TTN: variants seen among roughly 807,000 people sequenced by gnomAD.
TTN encodes titin.
In TTN, 1,525 loss-of-function variants were observed where a neutral mutation model predicts 3,223.0. The ratio of observed to expected loss-of-function variants is 0.47; its 90% CI spans 0.45 to 0.49. The LOEUF (loss-of-function observed/expected upper bound fraction) is 0.49. Ranked by LOEUF, TTN falls within the 20% of genes least tolerant of loss-of-function variation. TTN has a pLI of 0.00. For synonymous variants in TTN, 14,094 were observed against 15,161.0 expected (o/e 0.93, Z 5.17); for missense variants, 40,786 against 43,424.0 (o/e 0.94, Z 5.40).
In TTN at chr2:178,636,689, C is replaced by T. The variant is rs1576748259; in HGVS notation, c.41038G>A (p.Ala13680Thr). The change falls in exon 225 of 363, where the codon GCT (alanine) becomes ACT (threonine). Residue 13680 changes from alanine (A) to threonine (T), a missense_variant. Physicochemically the swap from Ala to Thr is moderately conservative, Grantham distance 58 (BLOSUM62 0). Transcript: ENST00000589042. The surrounding 1 kb of genome is among the most constrained non-coding windows in gnomAD (Gnocchi z 4.3). ...TCTTTCACAAACTTCAGTGGCACAG[C>T]CTTTAGCTGGTAGGTGAACGGGGCT... ...DEAPFTYQLKAVPLKFVKEIK... is the reference protein window; with the variant it reads ...DEAPFTYQLKTVPLKFVKEIK... 1 of 1,613,288 alleles carries T rather than the reference C, an allele frequency of 6.2e-7. No homozygotes were observed. The highest frequency in any genetic ancestry group is 8.5e-7 in the Non-Finnish European group (1 of 1,179,500).
rs748626222 is a variant in TTN at position 178,750,527 on chromosome 2, C to T, written c.11311+2597G>A. ...ATGACACACAAAATTACAACTGTCA[C>T]CTTCATAAACTTCTTGAGATTCAAT... On this transcript the variant is annotated intron_variant, in intron 47 of 362. Transcript: ENST00000589042. 2.5e-6 allele frequency: 4 copies of T among 1,612,644 alleles called. No individual in the cohort carries two copies. The East Asian group carries it at 9.0e-5, about 36-fold the overall frequency.
chr2:178,770,820 AC>A, intron 34 of TTN, 145 bp from the exon 35 acceptor site: 5 of 1,070,186 alleles, frequency 4.7e-6, no homozygotes, highest in Non-Finnish European at 7.2e-6. Context: ...GTTTTAAAAA[AC>A]ACCTGAGATT....
intron 118 of TTN, 37 bp downstream of exon 118, chr2:178,693,885 T>A: frequency 6.3e-7 from 1 of 1,582,204 alleles, no homozygotes; most frequent in Non-Finnish European, 8.7e-7. Context: ...CCTAAAACCC[T>A]TCCATTTGAG....
intron 209 of TTN, among the ~76,000 whole-genome samples, chr2:178,650,502 C>T (rs1252403234): frequency 6.6e-6 from 1 of 152,034 alleles, no homozygotes; most frequent in Non-Finnish European, 1.5e-5. Context: ...CATTAGTTCT[C>T]CTGCCTTACT....
rs1163292825 is a variant in TTN at position 178,652,883 on chromosome 2, G to A, written c.38924C>T (p.Ala12975Val). ...EVVPEKKMPL[A>V]PPKKPEVPPV... ...AGGGACTTCAGGCTTTTTAGGAGGA[G>A]CCAAGGGCATTTTCTTTTCAGGAAC... The change falls in exon 200 of 363, where the codon GCT becomes GTT. Residue 12975 changes from alanine (A) to valine (V), a missense_variant. Transcript: ENST00000589042. The A allele has an allele frequency of 4.1e-5, 66 of 1,611,436 alleles. No homozygotes were observed. Among genetic ancestry groups the A allele is most frequent in the Non-Finnish European group, 5.2e-5 (61 of 1,179,110 alleles).
rs878963234 is a variant in TTN at position 178,601,554 on chromosome 2, G to A, written c.55443C>T (p.Gly18481=). ...CACTGACTTTCAGATCTTTGGGTGG[G>A]CCTGGTACATCTGTTGGATGTAAAT... The part of the protein sequence containing the change: ...NCRVKVMDVP[G]PPKDLKVSDI... Residue 18481 remains glycine, a synonymous_variant, in exon 287 of 363, where the codon GGC becomes GGT. Coordinates refer to ENST00000589042, the MANE Select transcript of TTN (RefSeq NM_001267550.2). 1.2e-6 allele frequency: 2 copies of A among 1,610,276 alleles called. No homozygotes were observed. Among genetic ancestry groups the A allele is most frequent in the Non-Finnish European group, 1.7e-6 (2 of 1,177,828 alleles).
chr2:178,705,195 T>C lies in TTN; in HGVS notation c.29583A>G (p.Gln9861=). ...ATACCAGTCTATGTGTCTCTTCTTC[T>C]TGGCTTTGCTTGAGCAGTTCAAATG... ...LQAFELLKQS[Q]EEETHRLEIE... The change falls in exon 103 of 363, where the codon CAA becomes CAG. Residue 9861 remains glutamine, a synonymous_variant. Transcript: ENST00000589042. 6.2e-7 allele frequency: 1 copy of C among 1,613,536 alleles called. No individual in the cohort carries two copies. The highest frequency in any genetic ancestry group is 8.5e-7 in the Non-Finnish European group (1 of 1,179,684).
Position 178,729,974 on chromosome 2 carries a change from G to T in TTN, c.18308-29C>A, listed in dbSNP as rs758463377. Reference sequence around the variant, plus strand: ...AAGATGGAAAAAGAATTGTGATGTTGAATATTTTTAAAAACAGGTCACTGG... The same window carrying T: ...AAGATGGAAAAAGAATTGTGATGTTTAATATTTTTAAAAACAGGTCACTGG... On this transcript the variant is annotated intron_variant, in intron 62 of 362. Coordinates refer to ENST00000589042, the MANE Select transcript of TTN (RefSeq NM_001267550.2). 17 of 1,601,286 alleles carry T rather than the reference G, an allele frequency of 1.1e-5. No individual in the cohort carries two copies. The African/African-American group carries it at 1.9e-4, about 18-fold the overall frequency.
chr2:178,704,310 T>G lies in TTN; in HGVS notation c.30060A>C (p.Glu10020Asp), dbSNP rs764487564. 6.2e-7 allele frequency: 1 copy of G among 1,614,048 alleles called. No homozygotes were observed. The highest frequency in any genetic ancestry group is 1.1e-5 in the South Asian group (1 of 91,086). The change falls in exon 106 of 363, where the codon GAA (glutamate) becomes GAC (aspartate). Residue 10020 changes from glutamate (E) to aspartate (D), a missense_variant. Coordinates refer to ENST00000589042, the MANE Select transcript of TTN (RefSeq NM_001267550.2). ...TAAGGATTCTGCCATTTCTGAACCA[T>G]TCAGATTTTACATTTGGTACAGAAA... is the stretch of plus-strand genomic sequence containing the variant. ...CQFSVPNVKSEWFRNGRILKP... is the reference protein window; with the variant it reads ...CQFSVPNVKSDWFRNGRILKP...
chr2:178,629,579 T>C, intron 239 of TTN, 136 bp from the exon 240 acceptor site: 1 of 1,303,012 alleles, frequency 7.7e-7, no homozygotes. Flanking sequence ...AACTCCCACG[T>C]GAACGTGGCC....
rs2092629913 is a variant in TTN at position 178,780,090 on chromosome 2, C to T, written c.3639G>A (p.Glu1213=). The part of the protein sequence containing the change: ...GETAPGFVYS[E]YEKEYEKEQA... ...GTTCTTTTTCATACTCTTTTTCATA[C>T]TCAGAGTATACAAATCCAGGTGCTG... is the stretch of plus-strand genomic sequence containing the variant. Residue 1213 remains glutamate (E), a synonymous_variant, in exon 22 of 363, where the codon GAG becomes GAA. Coordinates refer to ENST00000589042, the MANE Select transcript of TTN (RefSeq NM_001267550.2). The T allele has an allele frequency of 6.2e-7, 1 of 1,613,748 alleles. No individual in the cohort carries two copies. The highest frequency in any genetic ancestry group is 8.5e-7 in the Non-Finnish European group (1 of 1,179,812).
chr2:178,717,227 T>C lies in TTN; in HGVS notation c.25507A>G (p.Lys8503Glu), dbSNP rs1336555903. ...NREIRPGGNY[K>E]MTLVENTATL... is the part of the protein sequence containing the mutation. Reference sequence around the variant, plus strand: ...GCAGTATTTTCTACCAAAGTCATCTTGTAGTTGCCTCCAGGGCGAATCTCT... The same window carrying C: ...GCAGTATTTTCTACCAAAGTCATCTCGTAGTTGCCTCCAGGGCGAATCTCT... The change falls in exon 88 of 363, where the codon AAG (lysine) becomes GAG (glutamate). Residue 8503 changes from lysine to glutamate, a missense_variant. Transcript: ENST00000589042. 1 of 1,613,684 alleles carries C rather than the reference T, an allele frequency of 6.2e-7. No homozygotes were observed. Among genetic ancestry groups the C allele is most frequent in the Non-Finnish European group, 8.5e-7 (1 of 1,179,672 alleles).
chr2:178,683,158 C>G (rs2069898097), intron 134 of TTN, 53 bp downstream of exon 134: 1 of 1,280,070 alleles, frequency 7.8e-7, no homozygotes. Context: ...AACTAGAAGG[C>G]AAAGAGCCAG....
At chr2:178,651,115 C>A in intron 208 of TTN, 128 bp downstream of exon 208, 1 of 777,278 alleles carries the variant, frequency 1.3e-6, no homozygotes, top group South Asian at 2.0e-5. Context: ...TATTCAGACC[C>A]TAAAAATCCA....
Position 178,556,982 on chromosome 2 carries a change from G to C in TTN, c.88172C>G (p.Thr29391Ser), listed in dbSNP as rs771850921. Residue 29391 changes from threonine to serine, a missense_variant, in exon 330 of 363, where the codon ACT (threonine) becomes AGT (serine). Physicochemically the swap from Thr to Ser is moderately conservative, Grantham distance 58. Transcript: ENST00000589042. ...GCCAGAGATGATGAATTGAGTTTCA[G>C]TAACATTGGTGAAGCTGGCCTTGGT... ...RWTKASFTNVTETQFIISGLT... is the reference protein window; with the variant it reads ...RWTKASFTNVSETQFIISGLT... 1.2e-6 allele frequency: 2 copies of C among 1,613,826 alleles called. No individual in the cohort carries two copies. The highest frequency in any genetic ancestry group is 1.7e-6 in the Non-Finnish European group (2 of 1,179,830).
At chr2:178,780,819 C>T (rs1015811889) in intron 21 of TTN, among the ~76,000 whole-genome samples, 4 of 152,206 alleles carry the variant, frequency 2.6e-5, no homozygotes, top group Non-Finnish European at 5.9e-5. Context: ...TCATTGAGCT[C>T]ACTGTTACCT....
chr2:178,672,581 A>T (rs1411662379), intron 153 of TTN, 54 bp downstream of exon 153: 6 of 1,605,970 alleles, frequency 3.7e-6, no homozygotes, highest in Admixed American at 1.7e-5. Context: ...GAAACATAAA[A>T]GTCTTAACGA....
Position 178,591,818 on chromosome 2 carries a change from G to T in TTN, c.60001C>A (p.Pro20001Thr). Reference sequence around the variant, plus strand: ...ATTGGAGAACCACCATCACGATCCGGCTTATTCCAGACTAGGGAGACTTCA... The same window carrying T: ...ATTGGAGAACCACCATCACGATCCGTCTTATTCCAGACTAGGGAGACTTCA... The part of the protein sequence containing the change: ...KTEVSLVWNK[P>T]DRDGGSPITG... Residue 20001 changes from proline (P) to threonine (T), a missense_variant, in exon 303 of 363, where the codon CCG (proline) becomes ACG (threonine). Transcript: ENST00000589042. The T allele has an allele frequency of 6.2e-7, 1 of 1,613,232 alleles. No individual in the cohort carries two copies. The highest frequency in any genetic ancestry group is 8.5e-7 in the Non-Finnish European group (1 of 1,179,562).
At chr2:178,757,120 G>A (rs1266145354) in intron 45 of TTN, among the ~76,000 whole-genome samples, 1 of 3,718 alleles carries the variant, frequency 2.7e-4, no homozygotes, top group South Asian at 9.8e-3. Flanking sequence ...CTGTATTTGG[G>A]TTAGCATTTG....
Sources: allele counts gnomAD v4.1 joint callset (sites outside exome capture counted in the v4.1 genomes callset), GRCh38; gene constraint gnomAD v4.1.1; non-coding constraint Gnocchi (gnomAD v3.1); transcripts MANE v1.5; gene names NCBI Gene and HGNC (gene_info 2026-07-23, HGNC 2026-07-21).